CEP350: variants seen among roughly 807,000 people sequenced by gnomAD.
CEP350 encodes the protein centrosome-associated protein 350.
Under a neutral mutation model 331.8 loss-of-function variants are expected in CEP350, and 126 were observed. The ratio of observed to expected loss-of-function variants is 0.38; its 90% CI spans 0.33 to 0.44. The LOEUF (loss-of-function observed/expected upper bound fraction) is 0.44, where lower values mean the gene tolerates loss of function less well. Among genes scored for constraint, CEP350 ranks in the 20% least tolerant of loss-of-function variants. The pLI is 1.00. For missense variants in CEP350, 3,406 were observed against 3,634.6 expected, an observed-to-expected ratio of 0.94 and a Z score of 1.62; for synonymous variants, 1,200 against 1,259.5, an observed-to-expected ratio of 0.95 and a Z score of 1.00.
chr1:180,077,267 A>G (rs1420862146), intron 28 of CEP350, among the ~76,000 whole-genome samples: 1 of 152,188 alleles, frequency 6.6e-6, no homozygotes, highest in Admixed American at 6.5e-5. Context: ...AAAAGATACA[A>G]ATAGAAACAA....
chr1:180,035,422 T>G (rs1213046028), intron 16 of CEP350, among the ~76,000 whole-genome samples: 2 of 152,202 alleles, frequency 1.3e-5, no homozygotes, highest in African/African-American at 4.8e-5. Context: ...TAGAGAGAAG[T>G]TAGTGCCTGG....
intron 37 of CEP350, among the ~76,000 whole-genome samples, chr1:180,103,953 CAAAATATATACAAATATATATTTTA>C (rs1660981551): frequency 2.1e-5 from 3 of 140,470 alleles, no homozygotes; most frequent in South Asian, 4.4e-4. Context: ...AAAATATATA[CAAAATATATACAAATATATATTTTA>C]AAATATATAC....
intron 1 of CEP350, chr1:179,969,209 C>T: frequency 1.1e-5 from 6 of 546,460 alleles, no homozygotes; most frequent in East Asian, 8.2e-5. Flanking sequence ...TTCCTGTGAA[C>T]ACCCGTGGGA....
At chr1:180,007,484 C>T (rs559195206) in intron 8 of CEP350, among the ~76,000 whole-genome samples, 1 of 152,056 alleles carries the variant, frequency 6.6e-6, no homozygotes, top group South Asian at 2.1e-4. Context: ...GTTTAAGTTC[C>T]TTGTAGATTC....
At chr1:179,973,623 G>T (rs190716976) in intron 1 of CEP350, among the ~76,000 whole-genome samples, 1 of 151,852 alleles carries the variant, frequency 6.6e-6, no homozygotes, top group Non-Finnish European at 1.5e-5. Flanking sequence ...TTTATCAAAC[G>T]GCTCCCATTA....
chr1:180,055,781 C>T (rs988391782), intron 25 of CEP350, among the ~76,000 whole-genome samples: 6 of 151,896 alleles, frequency 4.0e-5, no homozygotes, highest in Admixed American at 2.6e-4. Flanking sequence ...CTCCTGACCT[C>T]GCGATCCGCC....
chr1:179,996,865 G>T lies in CEP350; in HGVS notation c.708G>T (p.Leu236Phe). 1 of 1,613,896 alleles carries T rather than the reference G, an allele frequency of 6.2e-7. No individual in the cohort carries two copies. The highest frequency in any genetic ancestry group is 8.5e-7 in the Non-Finnish European group (1 of 1,179,778). Residue 236 changes from leucine (L) to phenylalanine (F), a missense_variant, in exon 6 of 38, where the codon TTG becomes TTT. By Grantham distance (22) the Leu-to-Phe change is conservative (BLOSUM62 0). Transcript: ENST00000367607. ...GAACAAAAGGAAGTGAGAATAATTT[G>T]AAGCTTTCTGTGAATAACATGGCCC... ...PNRTKGSENN[L>F]KLSVNNMAHD...
intron 1 of CEP350, among the ~76,000 whole-genome samples, chr1:179,982,039 A>C (rs1271256660): frequency 2.0e-5 from 3 of 152,154 alleles, no homozygotes; most frequent in Admixed American, 6.5e-5. Context: ...AACCTAAAAC[A>C]GGGCATAATT....
chr1:180,084,229 C>T lies in CEP350; in HGVS notation c.6285+51C>T, dbSNP rs189256910. On this transcript the variant is annotated intron_variant, in intron 31 of 37. Transcript: ENST00000367607. ...AGTATCAAGGCTAATGTGTATGTGACGTCTAAAATGTTTTTAATGTTGTTA... is the reference window on the plus strand; with the variant it reads ...AGTATCAAGGCTAATGTGTATGTGATGTCTAAAATGTTTTTAATGTTGTTA... 139 of 1,429,670 alleles carry T rather than the reference C, an allele frequency of 9.7e-5. 2 individuals carry two copies. In the Middle Eastern group the frequency reaches 3.7e-3, roughly 38 times the overall value. 88.6% of individuals were successfully genotyped at this position (1,429,670 alleles called of 1,614,324 possible).
intron 27 of CEP350, among the ~76,000 whole-genome samples, chr1:180,074,233 GATGGTTT>G (rs1295983981): frequency 6.6e-6 from 1 of 152,150 alleles, no homozygotes; most frequent in East Asian, 1.9e-4. Flanking sequence ...TACATTTGAA[GATGGTTT>G]ATTAGTAGCC....
chr1:180,097,393 T>G (rs1274395957), intron 36 of CEP350, among the ~76,000 whole-genome samples: 2 of 152,220 alleles, frequency 1.3e-5, no homozygotes, highest in East Asian at 3.9e-4. Context: ...CATTGTATAC[T>G]CCATTCCTTC....
At chr1:180,103,042 G>A (rs561037367) in intron 37 of CEP350, among the ~76,000 whole-genome samples, 39 of 152,316 alleles carry the variant, frequency 2.6e-4, no homozygotes, top group Middle Eastern at 3.4e-3. Context: ...AAGGAAAAGC[G>A]GTGGACCGCA....
chr1:180,076,583 G>A (rs935821249), intron 28 of CEP350, among the ~76,000 whole-genome samples: 6 of 152,124 alleles, frequency 3.9e-5, no homozygotes, highest in African/African-American at 7.2e-5. Flanking sequence ...GAACCCAGGA[G>A]TTTGAGACCA....
chr1:180,048,402 T>G, intron 21 of CEP350, 134 bp from the exon 22 acceptor site: 1 of 605,640 alleles, frequency 1.7e-6, no homozygotes, highest in Non-Finnish European at 2.9e-6. Context: ...TAGCTTTTTC[T>G]GTTTTATATT....
At position 180,020,510 on chromosome 1, in the gene CEP350, T is replaced by C; in HGVS notation, c.2736T>C (p.Gly912=). ...SHATFDDDLP[G]VGNLSEFKKL... is the part of the protein sequence containing the mutation. ...CAACTTTTGATGATGATCTTCCTGG[T>C]GTAGGCAATCTTAGTGAATTTAAAA... is the stretch of plus-strand genomic sequence containing the variant. The change falls in exon 12 of 38, where the codon GGT becomes GGC. Residue 912 remains glycine, a synonymous_variant. Coordinates refer to ENST00000367607, the MANE Select transcript of CEP350 (RefSeq NM_014810.5). 1.2e-6 allele frequency: 2 copies of C among 1,614,012 alleles called. No individual in the cohort carries two copies. The highest frequency in any genetic ancestry group is 2.2e-5 in the South Asian group (2 of 91,086).
chr1:179,977,251 A>C (rs996147968), intron 1 of CEP350, among the ~76,000 whole-genome samples: 8 of 152,230 alleles, frequency 5.3e-5, no homozygotes, highest in African/African-American at 1.9e-4. Context: ...GGTGATTGAT[A>C]TCTCTAGTAT....
In CEP350 at chr1:180,004,873, G is replaced by GGCTTGCTTGCTTGCTT. The variant is rs142057657; in HGVS notation, c.1133-1560_1133-1545dup. Among the ~76,000 whole-genome samples the GGCTTGCTTGCTTGCTT allele has an allele frequency of 1.1e-3, 114 of 100,602 alleles. 1 individual carries two copies. Among genetic ancestry groups the GGCTTGCTTGCTTGCTT allele is most frequent in the South Asian group, 8.9e-3 (23 of 2,592 alleles). 66.0% of individuals were successfully genotyped at this position (100,602 alleles called of 152,430 possible). On this transcript the variant is annotated intron_variant, in intron 7 of 37. Coordinates refer to ENST00000367607, the MANE Select transcript of CEP350 (RefSeq NM_014810.5). ...CAGAGCTTGGGCAGGCAGGCTGGCT[G>GGCTTGCTTGCTTGCTT]GCTTGCTTGCTTGCTTGCTTGCTTG... is the stretch of plus-strand genomic sequence containing the variant.
intron 5 of CEP350, among the ~76,000 whole-genome samples, chr1:179,994,082 T>G (rs527699408): frequency 2.0e-5 from 3 of 152,236 alleles, no homozygotes; most frequent in Non-Finnish European, 4.4e-5. Flanking sequence ...AAATATTTTT[T>G]CCTAAAATAT....
chr1:180,001,568 G>A (rs192743795), intron 6 of CEP350, among the ~76,000 whole-genome samples: 3 of 151,998 alleles, frequency 2.0e-5, no homozygotes, highest in Non-Finnish European at 4.4e-5. Context: ...CAAAGAGTAG[G>A]GATAAATTTG....
Sources: gnomAD v4.1 joint callset for allele counts (sites outside exome capture counted in the v4.1 genomes callset) on GRCh38, gnomAD v4.1.1 for gene constraint, MANE v1.5 for transcripts, NCBI Gene and HGNC (gene_info 2026-07-23, HGNC 2026-07-21) for gene names.